Variants in TMEM116 observed in about 807,000 individuals in gnomAD.
TMEM116 encodes the protein transmembrane protein 116.
In TMEM116, 38 loss-of-function variants were observed where a neutral mutation model predicts 44.3. The ratio of observed to expected loss-of-function variants is 0.86; its 90% confidence interval spans 0.66 to 1.12. The LOEUF (loss-of-function observed/expected upper bound fraction) is 1.12, where lower values mean the gene tolerates loss of function less well. Among genes scored for constraint, TMEM116 ranks in the 50% most tolerant of loss-of-function variants. TMEM116 has a pLI of 0.00. For synonymous variants in TMEM116, 132 were observed against 144.8 expected, an observed-to-expected ratio of 0.91 and a Z score of 0.64; for missense variants, 354 against 401.7, an observed-to-expected ratio of 0.88 and a Z score of 1.01.
At chr12:111,949,033 G>A (rs935847085) in intron 4 of TMEM116, among the ~76,000 whole-genome samples, 4 of 152,126 alleles carry the variant, frequency 2.6e-5, no homozygotes, top group African/African-American at 9.7e-5. Flanking sequence ...GGGGTTGCTT[G>A]AGCTTAGGAG....
intron 5 of TMEM116, among the ~76,000 whole-genome samples, chr12:111,942,333 C>A (rs2072902655): frequency 1.3e-5 from 2 of 151,538 alleles, no homozygotes; most frequent in African/African-American, 2.4e-5. Flanking sequence ...TGCAGTGTGG[C>A]ATGATCTCGG....
intron 2 of TMEM116, 49 bp downstream of exon 2, chr12:112,005,208 A>G (rs551430747): frequency 1.6e-6 from 2 of 1,287,260 alleles, no homozygotes; most frequent in Non-Finnish European, 2.0e-6. Context: ...TACAGAATTG[A>G]CGAACTTTGC....
chr12:111,999,067 TA>T (rs1482785512), intron 3 of TMEM116, among the ~76,000 whole-genome samples: 3 of 151,832 alleles, frequency 2.0e-5, no homozygotes, highest in African/African-American at 4.8e-5. Flanking sequence ...TTGAAGGAAA[TA>T]CAAAGAAATG....
At chr12:111,992,244 T>C (rs903451490) in intron 3 of TMEM116, among the ~76,000 whole-genome samples, 4 of 151,994 alleles carry the variant, frequency 2.6e-5, no homozygotes, top group Non-Finnish European at 5.9e-5. Flanking sequence ...TGAGAGTGCT[T>C]TAGTGGCACA....
intron 4 of TMEM116, among the ~76,000 whole-genome samples, chr12:111,969,228 G>A (rs2075174707): frequency 6.7e-6 from 1 of 150,010 alleles, no homozygotes; most frequent in Non-Finnish European, 1.5e-5. Flanking sequence ...GCTGAGGCAG[G>A]AGAATCGTTT....
chr12:111,977,513 A>C (rs953150339), intron 4 of TMEM116, among the ~76,000 whole-genome samples: 2 of 152,200 alleles, frequency 1.3e-5, no homozygotes, highest in Non-Finnish European at 2.9e-5. Flanking sequence ...AAATTCAGAC[A>C]AACAAAAACT....
intron 4 of TMEM116, among the ~76,000 whole-genome samples, chr12:111,961,708 A>G (rs2074601511): frequency 6.6e-6 from 1 of 152,212 alleles, no homozygotes; most frequent in Non-Finnish European, 1.5e-5. Flanking sequence ...CCCACAGCCA[A>G]TATCATACTG....
intron 3 of TMEM116, chr12:111,993,881 T>C (rs2136644010): frequency 2.7e-6 from 2 of 741,550 alleles, no homozygotes; most frequent in Admixed American, 1.7e-5. Flanking sequence ...GCTTCTCAAG[T>C]CCTCCAGAGA....
intron 3 of TMEM116, among the ~76,000 whole-genome samples, chr12:112,000,233 A>C (rs1325475218): frequency 6.6e-6 from 1 of 152,236 alleles, no homozygotes; most frequent in Non-Finnish European, 1.5e-5. Flanking sequence ...AAGGAGTTCA[A>C]AATAAAATCA....
intron 4 of TMEM116, among the ~76,000 whole-genome samples, chr12:111,979,665 G>A (rs1003716281): frequency 6.6e-6 from 1 of 152,088 alleles, no homozygotes; most frequent in Non-Finnish European, 1.5e-5. Context: ...AGAAGACTCT[G>A]TTAAAAGAAT....
At chr12:111,949,117 A>T (rs2073520639) in intron 4 of TMEM116, among the ~76,000 whole-genome samples, 1 of 151,920 alleles carries the variant, frequency 6.6e-6, no homozygotes, top group African/African-American at 2.4e-5. Context: ...CTCTCCCCCA[A>T]CCCCCACCCC....
chr12:111,949,070 C>T (rs1054258971), intron 4 of TMEM116, among the ~76,000 whole-genome samples: 8 of 152,206 alleles, frequency 5.3e-5, no homozygotes, highest in African/African-American at 1.4e-4. Context: ...ACTATGATTG[C>T]GCCACTGTGC....
At chr12:111,965,696 G>A (rs1382474385) in intron 4 of TMEM116, 11 of 396,164 alleles carry the variant, frequency 2.8e-5, no homozygotes, top group South Asian at 3.6e-5. Flanking sequence ...AGGCCCAAGC[G>A]GTGAATCACT....
intron 4 of TMEM116, among the ~76,000 whole-genome samples, chr12:111,985,291 C>G (rs898497704): frequency 1.3e-5 from 2 of 151,840 alleles, no homozygotes; most frequent in Non-Finnish European, 2.9e-5. Context: ...CACACACACA[C>G]ACACACACAC....
chr12:111,999,656 A>C lies in TMEM116; in HGVS notation c.78+4144T>G, dbSNP rs138184867. Among the ~76,000 whole-genome samples the C allele has an allele frequency of 3.9e-3, 599 of 152,210 alleles. 4 individuals are homozygous for C. Among genetic ancestry groups the C allele is most frequent in the Non-Finnish European group, 5.4e-3 (364 of 68,002 alleles). ...TATATACACATGTATATAGTAACTAATAATTTTCACAAAAACCATTTACAT... is the reference window on the plus strand; with the variant it reads ...TATATACACATGTATATAGTAACTACTAATTTTCACAAAAACCATTTACAT... On this transcript the variant is annotated intron_variant, in intron 3 of 10. Coordinates refer to ENST00000552374, the MANE Select transcript of TMEM116 (RefSeq NM_001193531.2).
intron 4 of TMEM116, among the ~76,000 whole-genome samples, chr12:111,968,986 C>G (rs1398285684): frequency 9.1e-6 from 1 of 109,636 alleles, no homozygotes; most frequent in Non-Finnish European, 1.7e-5. Context: ...GAGCGAGACT[C>G]TATCTCAAAA....
chr12:111,989,814 T>G (rs1388419995), intron 4 of TMEM116, among the ~76,000 whole-genome samples: 1 of 152,112 alleles, frequency 6.6e-6, no homozygotes, highest in Non-Finnish European at 1.5e-5. Context: ...GTATCTGAAA[T>G]GATTTGGAGG....
intron 1 of TMEM116, among the ~76,000 whole-genome samples, chr12:112,006,774 G>A (rs1388610546): frequency 1.3e-5 from 2 of 152,192 alleles, no homozygotes; most frequent in Non-Finnish European, 2.9e-5. Flanking sequence ...GAGGAAAAAA[G>A]AGAGCAGAAG....
At chr12:111,942,217 TGTGAGCCACCACGCCCGG>T (rs1281638879) in intron 5 of TMEM116, among the ~76,000 whole-genome samples, 1 of 152,106 alleles carries the variant, frequency 6.6e-6, no homozygotes, top group Non-Finnish European at 1.5e-5. Context: ...GGATTACAGG[TGTGAGCCACCACGCCCGG>T]CTAACACTTC....
Sources: allele counts gnomAD v4.1 joint callset (sites outside exome capture counted in the v4.1 genomes callset), GRCh38; gene constraint gnomAD v4.1.1; transcripts MANE v1.5; gene names NCBI Gene and HGNC (gene_info 2026-07-23, HGNC 2026-07-21).